The following LUZP2 variants were observed in gnomAD, a reference collection of about 807,000 sequenced individuals.
LUZP2 encodes the protein leucine zipper protein 2.
A neutral mutation model predicts 51.6 loss-of-function variants in LUZP2; 52 were observed. That is an observed-to-expected ratio of 1.01 (90% confidence interval 0.81 to 1.27). The LOEUF is 1.27. Among genes scored for constraint, LUZP2 ranks in the 50% most tolerant of loss-of-function variants. The pLI is 0.00. For missense variants in LUZP2, 436 were observed against 395.4 expected (o/e 1.10, Z -0.87); for synonymous variants, 154 against 137.3 (o/e 1.12, Z -0.85).
intron 1 of LUZP2, among the ~76,000 whole-genome samples, chr11:24,572,510 G>C (rs1358608162): frequency 6.6e-6 from 1 of 151,926 alleles, no homozygotes; most frequent in Non-Finnish European, 1.5e-5. Context: ...AAGTAGAATG[G>C]AAAGGGAGAA....
chr11:24,914,101 A>C (rs1180510876), intron 6 of LUZP2, among the ~76,000 whole-genome samples: 1 of 152,168 alleles, frequency 6.6e-6, no homozygotes, highest in Non-Finnish European at 1.5e-5. Context: ...AATTTAAAAA[A>C]AGTAATTGAA....
At chr11:25,065,497 T>G (rs1385694361) in intron 10 of LUZP2, among the ~76,000 whole-genome samples, 2 of 151,958 alleles carry the variant, frequency 1.3e-5, no homozygotes, top group African/African-American at 2.4e-5. Context: ...AAATTGAGAT[T>G]GAGGAAAATT....
At chr11:24,953,878 TAAAC>T (rs1440292139) in intron 7 of LUZP2, among the ~76,000 whole-genome samples, 12 of 152,144 alleles carry the variant, frequency 7.9e-5, no homozygotes, top group Non-Finnish European at 1.2e-4. Context: ...AATGAGATAT[TAAAC>T]AGACAGGTAA....
At position 24,742,012 on chromosome 11, in the gene LUZP2, A is replaced by G. The variant is rs1378875589; in HGVS notation, c.333+3710A>G. Among the ~76,000 whole-genome samples the G allele has an allele frequency of 4.4e-5, 6 of 135,744 alleles. 1 individual carries two copies. Among genetic ancestry groups the G allele is most frequent in the African/African-American group, 1.4e-4 (5 of 35,666 alleles). 89.1% of individuals were successfully genotyped at this position (135,744 alleles called of 152,430 possible). A position where few individuals can be genotyped will look rare whatever the true frequency, so the allele number is the denominator to read the frequency against. ...ATATAAATGTATATATTATATATAA[A>G]TATAATTATATATTTTATATATAAA... On this transcript the variant is annotated intron_variant, in intron 4 of 11. Transcript: ENST00000336930.
chr11:24,987,266 A>G (rs930236841), intron 9 of LUZP2, among the ~76,000 whole-genome samples: 3 of 151,948 alleles, frequency 2.0e-5, no homozygotes, highest in Non-Finnish European at 2.9e-5. Context: ...CACTATTTAC[A>G]TTGTATTATT....
intron 7 of LUZP2, among the ~76,000 whole-genome samples, chr11:24,931,848 TTTTG>T (rs1347907468): frequency 1.3e-5 from 2 of 151,330 alleles, no homozygotes; most frequent in Admixed American, 1.3e-4. Flanking sequence ...TCCTGTTTGT[TTTTG>T]TTTGTTTTTG....
At chr11:24,537,974 G>C (rs188215232) in intron 1 of LUZP2, among the ~76,000 whole-genome samples, 11 of 151,594 alleles carry the variant, frequency 7.3e-5, no homozygotes, top group African/African-American at 2.7e-4. Context: ...TTTTTCTTAA[G>C]ACTAATTACT....
intron 1 of LUZP2, among the ~76,000 whole-genome samples, chr11:24,512,625 AT>A (rs1042064072): frequency 2.6e-5 from 4 of 152,144 alleles, no homozygotes; most frequent in Admixed American, 1.3e-4. Context: ...TAAAGGAATG[AT>A]TTTACATTGT....
chr11:25,049,965 G>A, intron 9 of LUZP2, 73 bp from the exon 10 acceptor site: 1 of 754,292 alleles, frequency 1.3e-6, no homozygotes, highest in Non-Finnish European at 2.1e-6. Flanking sequence ...AAACGATTTG[G>A]ATCTATTTGT....
intron 1 of LUZP2, among the ~76,000 whole-genome samples, chr11:24,698,024 A>G (rs1476626219): frequency 6.6e-6 from 1 of 152,176 alleles, no homozygotes; most frequent in Non-Finnish European, 1.5e-5. Context: ...CTCATTCCCT[A>G]GACCCCTTCC....
chr11:24,699,697 ACACACG>A (rs199924002), intron 1 of LUZP2, among the ~76,000 whole-genome samples: 25,878 of 149,496 alleles, frequency 0.17, 2,341 homozygotes, highest in East Asian at 0.31. Context: ...AGACACACAC[ACACACG>A]CACACATCAT....
At chr11:24,914,079 T>G (rs1853721439) in intron 6 of LUZP2, among the ~76,000 whole-genome samples, 2 of 152,070 alleles carry the variant, frequency 1.3e-5, no homozygotes, top group African/African-American at 4.8e-5. Flanking sequence ...AAATTCAAAT[T>G]TATTCTAATT....
chr11:25,060,675 G>A (rs1030503115), intron 10 of LUZP2, among the ~76,000 whole-genome samples: 2 of 152,020 alleles, frequency 1.3e-5, no homozygotes, highest in African/African-American at 4.8e-5. Context: ...TTTGCCATAG[G>A]CAAATACTGT....
At chr11:24,924,523 A>T (rs114117765) in intron 7 of LUZP2, among the ~76,000 whole-genome samples, 1,545 of 152,222 alleles carry the variant, frequency 0.01, 25 homozygotes, top group African/African-American at 0.036. Context: ...TTTTTCCTGG[A>T]CATTTACTCA....
chr11:24,951,182 G>A (rs1225589205), intron 7 of LUZP2, among the ~76,000 whole-genome samples: 1 of 151,566 alleles, frequency 6.6e-6, no homozygotes, highest in Non-Finnish European at 1.5e-5. Flanking sequence ...GGTATCAGGT[G>A]TATGGGTACC....
intron 1 of LUZP2, among the ~76,000 whole-genome samples, chr11:24,650,202 G>T (rs1000674446): frequency 1.3e-5 from 2 of 151,876 alleles, no homozygotes; most frequent in African/African-American, 4.8e-5. Flanking sequence ...ATCCCAGACA[G>T]ATTCCTTATG....
intron 10 of LUZP2, among the ~76,000 whole-genome samples, chr11:25,053,615 C>A (rs761790466): frequency 2.7e-5 from 4 of 149,368 alleles, no homozygotes; most frequent in Non-Finnish European, 4.4e-5. Context: ...AACATGGTTT[C>A]TTTTTGTATT....
intron 1 of LUZP2, among the ~76,000 whole-genome samples, chr11:24,658,956 C>G (rs1045587976): frequency 1.3e-5 from 2 of 152,154 alleles, no homozygotes; most frequent in Non-Finnish European, 2.9e-5. Flanking sequence ...AATAGGAACA[C>G]TTTTATACTG....
intron 4 of LUZP2, among the ~76,000 whole-genome samples, chr11:24,740,364 T>C (rs1859092787): frequency 6.6e-6 from 1 of 152,076 alleles, no homozygotes; most frequent in Non-Finnish European, 1.5e-5. Flanking sequence ...CATGGACAAA[T>C]AATGTAGACT....
Sources: gnomAD v4.1 joint callset for allele counts (sites outside exome capture counted in the v4.1 genomes callset) on GRCh38, gnomAD v4.1.1 for gene constraint, MANE v1.5 for transcripts, NCBI Gene and HGNC (gene_info 2026-07-23, HGNC 2026-07-21) for gene names.